LIMS1: variants seen among roughly 807,000 people sequenced by gnomAD.
LIMS1 encodes the protein LIM zinc finger domain containing 1, also known as LIM and senescent cell antigen-like-containing domain protein 1.
Under a neutral mutation model 44.1 loss-of-function variants are expected in LIMS1, and 18 were observed. The observed-to-expected ratio is 0.41, with a 90% CI of 0.28 to 0.61. LIMS1 has a LOEUF of 0.61. Among genes scored for constraint, LIMS1 ranks in the 20% least tolerant of loss-of-function variants. LIMS1 has a pLI of 0.32. For synonymous variants in LIMS1, 93 were observed against 149.1 expected, an observed-to-expected ratio of 0.62 and a Z score of 2.74; for missense variants, 201 against 422.0, an observed-to-expected ratio of 0.48 and a Z score of 4.59.
At chr2:108,539,081 T>TTTTTG (rs1352370697) in intron 1 of LIMS1, among the ~76,000 whole-genome samples, 1 of 152,136 alleles carries the variant, frequency 6.6e-6, no homozygotes, top group African/African-American at 2.4e-5. Flanking sequence ...GCCAGAGTGT[T>TTTTTG]TTTTGTTTTG....
rs1383132306 is a variant in LIMS1 at position 108,675,861 on chromosome 2, G to A, written c.531-17G>A. ...TTTCTCTCTTAGTATTAAGCTGTGT[G>A]TCTTTCTCACGGACAGGAAGGAGCT... On this transcript the variant is annotated splice_polypyrimidine_tract_variant and intron_variant, in intron 5 of 9. Coordinates refer to ENST00000544547, the Ensembl canonical transcript of LIMS1. 6 of 1,613,840 alleles carry A rather than the reference G, an allele frequency of 3.7e-6. No individual in the cohort carries two copies. The highest frequency in any genetic ancestry group is 5.1e-6 in the Non-Finnish European group (6 of 1,179,872).
intron 9 of LIMS1, among the ~76,000 whole-genome samples, chr2:108,682,324 C>A (rs911668034): frequency 1.3e-5 from 2 of 151,878 alleles, no homozygotes; most frequent in African/African-American, 4.8e-5. Flanking sequence ...ATGGTGAAGC[C>A]CCGTCTCTAC....
chr2:108,653,001 A>G (rs1264139446), intron 1 of LIMS1, among the ~76,000 whole-genome samples: 1 of 152,224 alleles, frequency 6.6e-6, no homozygotes, highest in Non-Finnish European at 1.5e-5. Context: ...TTTCTTATTT[A>G]AATATGGTGG....
intron 9 of LIMS1, chr2:108,681,386 C>T (rs186903449): frequency 2.0e-6 from 2 of 982,252 alleles, no homozygotes; most frequent in Non-Finnish European, 2.4e-6. Context: ...TGTAGACTCA[C>T]TCACCTCATT....
intron 1 of LIMS1, among the ~76,000 whole-genome samples, chr2:108,559,102 T>A (rs1249116080): frequency 6.6e-6 from 1 of 152,214 alleles, no homozygotes; most frequent in African/African-American, 2.4e-5. Context: ...CACACTAATA[T>A]CACTTCCACG....
chr2:108,543,797 T>A (rs1461765208), intron 1 of LIMS1, among the ~76,000 whole-genome samples: 1 of 152,248 alleles, frequency 6.6e-6, no homozygotes, highest in Non-Finnish European at 1.5e-5. Context: ...GGTCTGGTGA[T>A]AATTTCCAGG....
At chr2:108,606,828 T>C (rs954358313) in intron 1 of LIMS1, among the ~76,000 whole-genome samples, 4 of 152,034 alleles carry the variant, frequency 2.6e-5, no homozygotes, top group African/African-American at 9.7e-5. Context: ...CATAGAGAAA[T>C]GGTAGATCCT....
At chr2:108,607,167 A>C in intron 1 of LIMS1, 2 of 1,543,244 alleles carry the variant, frequency 1.3e-6, no homozygotes, top group Non-Finnish European at 1.8e-6. Context: ...ATGTGAGGAC[A>C]CAGTGAGAGG....
chr2:108,548,289 G>T (rs953696023), intron 1 of LIMS1, among the ~76,000 whole-genome samples: 92 of 146,902 alleles, frequency 6.3e-4, no homozygotes, highest in African/African-American at 2.2e-3. Flanking sequence ...TTTGGGTTTT[G>T]TTTTTTTTTT....
At chr2:108,564,821 A>C (rs2104618545) in intron 1 of LIMS1, among the ~76,000 whole-genome samples, 1 of 151,954 alleles carries the variant, frequency 6.6e-6, no homozygotes, top group East Asian at 1.9e-4. Flanking sequence ...GAAAGACAAC[A>C]CTGTAAAAAA....
intron 1 of LIMS1, among the ~76,000 whole-genome samples, chr2:108,553,478 C>G (rs1425666414): frequency 6.6e-6 from 1 of 152,108 alleles, no homozygotes; most frequent in Non-Finnish European, 1.5e-5. Flanking sequence ...CTAGGAAAGG[C>G]CCAGGATCAC....
chr2:108,646,903 A>G (rs1690103415), intron 1 of LIMS1, among the ~76,000 whole-genome samples: 1 of 152,058 alleles, frequency 6.6e-6, no homozygotes, highest in Non-Finnish European at 1.5e-5. Flanking sequence ...TTGTATTTTT[A>G]GTAGAGACAG....
intron 1 of LIMS1, among the ~76,000 whole-genome samples, chr2:108,564,839 G>T (rs1685242706): frequency 1.3e-5 from 2 of 151,960 alleles, no homozygotes; most frequent in Admixed American, 6.6e-5. Context: ...AAAAAAAAAG[G>T]TGTGGGTAAC....
At chr2:108,656,317 C>T (rs201502207) in intron 1 of LIMS1, among the ~76,000 whole-genome samples, 3 of 139,832 alleles carry the variant, frequency 2.1e-5, no homozygotes, top group Admixed American at 6.9e-5. Flanking sequence ...ATCTATCTAT[C>T]TATAGATAGA....
intron 1 of LIMS1, among the ~76,000 whole-genome samples, chr2:108,656,676 A>G (rs1457499494): frequency 6.9e-6 from 1 of 145,316 alleles, no homozygotes; most frequent in Non-Finnish European, 1.5e-5. Flanking sequence ...ATATTATATT[A>G]CCTCTAAAAC....
chr2:108,640,130 T>C (rs1689569813), intron 1 of LIMS1, among the ~76,000 whole-genome samples: 1 of 152,224 alleles, frequency 6.6e-6, no homozygotes, highest in Admixed American at 6.5e-5. Context: ...AGGGACAGGA[T>C]GGCTTGTTGC....
At chr2:108,544,503 T>C (rs955713614) in intron 1 of LIMS1, among the ~76,000 whole-genome samples, 3 of 152,182 alleles carry the variant, frequency 2.0e-5, no homozygotes, top group Admixed American at 6.6e-5. Context: ...TTATTTTATT[T>C]ATTTATTTTT....
exon 1 of LIMS1, chr2:108,534,582 G>A: frequency 8.4e-7 from 1 of 1,183,978 alleles, no homozygotes; most frequent in Non-Finnish European, 1.1e-6. Context: ...GTGGCGGCCG[G>A]GATGACCCAC....
intron 1 of LIMS1, among the ~76,000 whole-genome samples, chr2:108,540,421 A>G (rs1262422356): frequency 6.6e-6 from 1 of 151,722 alleles, no homozygotes; most frequent in Non-Finnish European, 1.5e-5. Flanking sequence ...GATGGTCTCT[A>G]CCTCCTGACC....
Sources: gnomAD v4.1 joint callset for allele counts (sites outside exome capture counted in the v4.1 genomes callset) on GRCh38, gnomAD v4.1.1 for gene constraint, MANE v1.5 for transcripts, NCBI Gene and HGNC (gene_info 2026-07-23, HGNC 2026-07-21) for gene names.